CDR2: variants seen among roughly 807,000 people sequenced by gnomAD.
CDR2 encodes the protein cerebellar degeneration related protein 2, also known as cerebellar degeneration-related protein 2.
Under a neutral mutation model 48.4 loss-of-function variants are expected in CDR2, and 34 were observed. The ratio of observed to expected loss-of-function variants is 0.70; its 90% CI spans 0.53 to 0.94. CDR2 has a LOEUF of 0.94. Ranked by LOEUF, CDR2 falls within the 40% of genes least tolerant of loss-of-function variation. The probability of loss-of-function intolerance (pLI) is 0.00; values close to 1 mark genes in which losing one functional copy is unlikely to be tolerated. For synonymous variants in CDR2, 240 were observed against 219.7 expected (o/e 1.09, Z -0.82); for missense variants, 498 against 549.5 (o/e 0.91, Z 0.94).
chr16:22,353,475 G>A (rs747282978), intron 2 of CDR2, among the ~76,000 whole-genome samples: 6 of 152,110 alleles, frequency 3.9e-5, no homozygotes, highest in African/African-American at 1.4e-4. Context: ...ATATGTGTGT[G>A]GGAGAGACTG....
chr16:22,346,843 A>T lies in CDR2; in HGVS notation c.*122T>A. The T allele has an allele frequency of 9.2e-7, 1 of 1,081,384 alleles. No homozygotes were observed. The highest frequency in any genetic ancestry group is 1.4e-6 in the Non-Finnish European group (1 of 738,812). The allele number at this position is 1,081,384 out of a possible 1,614,324, so 67.0% of individuals were successfully genotyped here. A position where few individuals can be genotyped will look rare whatever the true frequency, so the allele number is the denominator to read the frequency against. On this transcript the variant is annotated 3_prime_UTR_variant, in exon 5 of 5. Transcript: ENST00000268383. ...TCCTCGTTGTATGCATTTGCTAAAT[A>T]AGCAAAGCAATGAGGCAAACGTCAT...
chr16:22,363,238 G>A (rs1009924126), intron 2 of CDR2, among the ~76,000 whole-genome samples: 3 of 152,080 alleles, frequency 2.0e-5, no homozygotes, highest in African/African-American at 4.8e-5. Context: ...CATCGCGCCC[G>A]GCCTACAGTA....
In CDR2 at chr16:22,349,849, ACT is replaced by A. The variant is rs1433196431; in HGVS notation, c.193-2_193-1del. 1 of 1,614,032 alleles carries A rather than the reference ACT, an allele frequency of 6.2e-7. No homozygotes were observed. The highest frequency in any genetic ancestry group is 8.5e-7 in the Non-Finnish European group (1 of 1,179,918). The stretch of plus-strand genomic sequence containing the variant: ...AGAAGTTCCACTTGCTTCGTCAGAT[ACT>A]GTAAGAGAAGATCAGGACCAGGTGA... On this transcript the variant is annotated splice_acceptor_variant, in intron 2 of 4. Coordinates refer to ENST00000268383, the MANE Select transcript of CDR2 (RefSeq NM_001802.2). LOFTEE classifies it high-confidence loss of function.
At position 22,349,732 on chromosome 16, in the gene CDR2, C is replaced by T. The variant is rs2048929613; in HGVS notation, c.310G>A (p.Asp104Asn). Reference sequence around the variant, plus strand: ...ATCTTTTGCTGTGAGGCCTTGCTGTCAGCAACTAGCTTTTGATTTGTTTCT... The same window carrying T: ...ATCTTTTGCTGTGAGGCCTTGCTGTTAGCAACTAGCTTTTGATTTGTTTCT... ...LEETNQKLVA[D>N]SKASQQKILS... Residue 104 changes from aspartate (D) to asparagine (N), a missense_variant, in exon 3 of 5, where the codon GAC (aspartate) becomes AAC (asparagine). Asp to Asn is a conservative substitution (Grantham distance 23). Coordinates refer to ENST00000268383, the MANE Select transcript of CDR2 (RefSeq NM_001802.2). 1 of 1,614,180 alleles carries T rather than the reference C, an allele frequency of 6.2e-7. No individual in the cohort carries two copies. The highest frequency in any genetic ancestry group is 8.5e-7 in the Non-Finnish European group (1 of 1,180,014).
At chr16:22,373,224 C>T (rs2049090400) in intron 1 of CDR2, among the ~76,000 whole-genome samples, 1 of 152,178 alleles carries the variant, frequency 6.6e-6, no homozygotes, top group African/African-American at 2.4e-5. Context: ...ACAGGGGCCC[C>T]ACTGGCCCCA....
chr16:22,369,992 T>C (rs151046978), intron 1 of CDR2, among the ~76,000 whole-genome samples: 53 of 152,358 alleles, frequency 3.5e-4, no homozygotes, highest in African/African-American at 1.2e-3. Flanking sequence ...TGTAGATTTA[T>C]TGCAGGCTTG....
At position 22,347,150 on chromosome 16, in the gene CDR2, C is replaced by A. The variant is rs1402684969; in HGVS notation, c.1180G>T (p.Ala394Ser). 6.2e-7 allele frequency: 1 copy of A among 1,614,194 alleles called. No individual in the cohort carries two copies. ...AAAKDLTGVN[A>S]QSEPVASGWE... ...CCGCTGGCAACAGGCTCAGACTGGG[C>A]GTTCACTCCAGTCAGGTCCTTGGCT... Residue 394 changes from alanine to serine, a missense_variant, in exon 5 of 5, where the codon GCC (alanine) becomes TCC (serine). By Grantham distance (99) the Ala-to-Ser change is moderately conservative. Transcript: ENST00000268383.
At position 22,362,482 on chromosome 16, in the gene CDR2, G is replaced by T. The variant is rs563469620; in HGVS notation, c.192+2420C>A. Among the ~76,000 whole-genome samples, 6 of 152,280 alleles carry T rather than the reference G, an allele frequency of 3.9e-5. No individual in the cohort carries two copies. The South Asian group carries it at 1.0e-3, about 26-fold the overall frequency. ...ATTTACACTTCTTTCAGCTACACTT[G>T]AAAGATATGCTAAAATAAGTACCAG... is the stretch of plus-strand genomic sequence containing the variant. On this transcript the variant is annotated intron_variant, in intron 2 of 4. Coordinates refer to ENST00000268383, the MANE Select transcript of CDR2 (RefSeq NM_001802.2).
intron 2 of CDR2, among the ~76,000 whole-genome samples, chr16:22,351,162 T>G (rs1027012210): frequency 2.0e-5 from 3 of 152,194 alleles, no homozygotes; most frequent in African/African-American, 7.2e-5. Context: ...GGTTTCCGGC[T>G]TCATCCATGT....
chr16:22,370,136 A>C (rs1333602875), intron 1 of CDR2, among the ~76,000 whole-genome samples: 1 of 152,232 alleles, frequency 6.6e-6, no homozygotes, highest in Non-Finnish European at 1.5e-5. Flanking sequence ...TTAGGCAAAA[A>C]ATTAGTACTG....
chr16:22,370,059 T>C (rs1382576209), intron 1 of CDR2, among the ~76,000 whole-genome samples: 2 of 152,198 alleles, frequency 1.3e-5, no homozygotes, highest in African/African-American at 4.8e-5. Context: ...TAATGAGTCT[T>C]TGCAGGTAAT....
intron 2 of CDR2, among the ~76,000 whole-genome samples, chr16:22,354,342 A>C (rs187501350): frequency 1.3e-4 from 20 of 152,298 alleles, no homozygotes; most frequent in Admixed American, 1.2e-3. Context: ...TCTTCAGCTT[A>C]ATGCTCACCG....
At chr16:22,352,480 G>T (rs1310858480) in intron 2 of CDR2, among the ~76,000 whole-genome samples, 1 of 152,008 alleles carries the variant, frequency 6.6e-6, no homozygotes, top group Non-Finnish European at 1.5e-5. Flanking sequence ...AAGTGTTTTG[G>T]AAAATTCTTT....
In CDR2 at chr16:22,370,305, AATG is replaced by A. The variant is rs376607970; in HGVS notation, c.79+3923_79+3925del. ...AAACCTGAATATAAATATCAAGAAAAATGATGTTGTCAGTTTTAATAACCCTCC... is the reference window on the plus strand; with the variant it reads ...AAACCTGAATATAAATATCAAGAAAAATGTTGTCAGTTTTAATAACCCTCC... On this transcript the variant is annotated intron_variant, in intron 1 of 4. Transcript: ENST00000268383. Among the ~76,000 whole-genome samples the A allele has an allele frequency of 5.8e-4, 89 of 152,304 alleles. 1 individual carries two copies. The South Asian group carries it at 0.018, about 31-fold the overall frequency.
At chr16:22,358,692 C>T (rs2048992368) in intron 2 of CDR2, among the ~76,000 whole-genome samples, 1 of 152,098 alleles carries the variant, frequency 6.6e-6, no homozygotes. Flanking sequence ...AAATGAACTT[C>T]CACAATAATA....
Position 22,347,744 on chromosome 16 carries a change from C to A in CDR2, c.586G>T (p.Glu196Ter), listed in dbSNP as rs1397070747. ...GQPSPDEEENEHLKKTVTMLQ... is the reference protein window; with the variant it reads ...GQPSPDEEEN ...ATTGTCACTGTTTTTTTCAAGTGCT[C>A]ATTTTCCTCTTCATCAGGGCTTGGC... Residue 196 changes from glutamate (E) to a stop codon, truncating the protein, a stop_gained, in exon 5 of 5, where the codon GAG becomes TAG. Coordinates refer to ENST00000268383, the MANE Select transcript of CDR2 (RefSeq NM_001802.2). LOFTEE classifies it high-confidence loss of function. The A allele has an allele frequency of 6.2e-7, 1 of 1,613,956 alleles. No homozygotes were observed. Among genetic ancestry groups the A allele is most frequent in the African/African-American group, 1.3e-5 (1 of 74,888 alleles).
At chr16:22,349,585 G>T in intron 3 of CDR2, 116 bp downstream of exon 3, 1 of 1,405,664 alleles carries the variant, frequency 7.1e-7, no homozygotes, top group Non-Finnish European at 9.8e-7. Context: ...TCTCCAAAAA[G>T]AATTAAATTA....
At chr16:22,351,491 C>T (rs1337311263) in intron 2 of CDR2, among the ~76,000 whole-genome samples, 3 of 152,032 alleles carry the variant, frequency 2.0e-5, no homozygotes, top group Admixed American at 6.5e-5. Flanking sequence ...CAGTGTAAAA[C>T]GTTCCTATTT....
At chr16:22,373,834 A>G (rs532179608) in intron 1 of CDR2, among the ~76,000 whole-genome samples, 1 of 152,362 alleles carries the variant, frequency 6.6e-6, no homozygotes, top group Non-Finnish European at 1.5e-5. Context: ...GCTGGCCATG[A>G]AAGGCGCTGG....
Sources: gnomAD v4.1 joint callset for allele counts (sites outside exome capture counted in the v4.1 genomes callset) on GRCh38, gnomAD v4.1.1 for gene constraint, MANE v1.5 for transcripts, NCBI Gene and HGNC (gene_info 2026-07-23, HGNC 2026-07-21) for gene names.